BCKDHB: variants seen among roughly 807,000 people sequenced by gnomAD.
BCKDHB encodes 2-oxoisovalerate dehydrogenase subunit beta, mitochondrial.
BCKDHB carries 41 observed loss-of-function variants against 48.5 expected under a neutral mutation model. The observed-to-expected ratio is 0.85, with a 90% CI of 0.66 to 1.10. The LOEUF (loss-of-function observed/expected upper bound fraction) is 1.10, where lower values mean the gene tolerates loss of function less well. BCKDHB is among the 50% of genes least tolerant of loss of function. The pLI is 0.00. For synonymous variants in BCKDHB, 201 were observed against 174.8 expected (o/e 1.15, Z -1.18); for missense variants, 496 against 494.2 (o/e 1.00, Z -0.03).
the BCKDHB span, among the ~76,000 whole-genome samples, chr6:80,431,060 C>T: frequency 6.6e-6 from 1 of 152,128 alleles, no homozygotes; most frequent in African/African-American, 2.4e-5. Flanking sequence ...TTTATTTCTG[C>T]CTTCATTTCA....
chr6:80,417,967 C>A, the BCKDHB span, among the ~76,000 whole-genome samples: 1 of 152,144 alleles, frequency 6.6e-6, no homozygotes, highest in Non-Finnish European at 1.5e-5. Flanking sequence ...TTCAGGGACA[C>A]CAATGAGTCT....
the BCKDHB span, among the ~76,000 whole-genome samples, chr6:80,453,610 A>T: frequency 2.0e-5 from 3 of 152,180 alleles, no homozygotes; most frequent in African/African-American, 2.4e-5. Flanking sequence ...ATCTATTTTG[A>T]CTGTTTATGA....
chr6:80,419,506 T>C, the BCKDHB span, among the ~76,000 whole-genome samples: 1 of 152,184 alleles, frequency 6.6e-6, no homozygotes, highest in East Asian at 1.9e-4. Context: ...TAAAGTCTTC[T>C]ATGGGAGCAA....
chr6:80,379,483 C>T, the BCKDHB span, among the ~76,000 whole-genome samples: 71 of 152,140 alleles, frequency 4.7e-4, 1 homozygote, highest in South Asian at 1.7e-3. Flanking sequence ...ACCCCATAGT[C>T]AACATCATAC....
intron 8 of BCKDHB, among the ~76,000 whole-genome samples, chr6:80,219,442 G>A (rs568371707): frequency 6.6e-6 from 1 of 152,066 alleles, no homozygotes; most frequent in African/African-American, 2.4e-5. Context: ...CCTGACTTCG[G>A]GTGATCCACA....
At chr6:80,243,007 A>G (rs188866612) in intron 8 of BCKDHB, among the ~76,000 whole-genome samples, 6 of 152,242 alleles carry the variant, frequency 3.9e-5, no homozygotes, top group Non-Finnish European at 7.4e-5. Context: ...CTATCTCTCA[A>G]TTGGGGTTAA....
chr6:80,130,002 A>G (rs1057497589), intron 3 of BCKDHB, among the ~76,000 whole-genome samples: 9 of 152,094 alleles, frequency 5.9e-5, no homozygotes, highest in African/African-American at 2.2e-4. Context: ...TCCTTCTTAC[A>G]TGTTTTATCC....
At chr6:80,109,683 T>G (rs1312204880) in intron 1 of BCKDHB, among the ~76,000 whole-genome samples, 2 of 152,234 alleles carry the variant, frequency 1.3e-5, no homozygotes, top group Admixed American at 1.3e-4. Context: ...ACTTAAGAAT[T>G]GAATATTAGA....
At chr6:80,405,106 G>T in the BCKDHB span, among the ~76,000 whole-genome samples, 16 of 152,062 alleles carry the variant, frequency 1.1e-4, no homozygotes, top group Admixed American at 3.9e-4. Context: ...TTTCTGTCTG[G>T]ATGATCTACC....
the BCKDHB span, among the ~76,000 whole-genome samples, chr6:80,400,907 C>T: frequency 4.6e-5 from 7 of 151,908 alleles, no homozygotes; most frequent in Non-Finnish European, 1.0e-4. Context: ...AGATCATGTT[C>T]CTGGCAGCAA....
At chr6:80,391,274 G>A in the BCKDHB span, among the ~76,000 whole-genome samples, 3 of 151,834 alleles carry the variant, frequency 2.0e-5, no homozygotes, top group East Asian at 3.9e-4. Context: ...CCAAAGATAT[G>A]CCCACATCAT....
intron 6 of BCKDHB, among the ~76,000 whole-genome samples, chr6:80,198,861 A>G (rs1001886012): frequency 2.6e-5 from 4 of 152,186 alleles, no homozygotes; most frequent in Non-Finnish European, 1.5e-5. Flanking sequence ...ATAATAAATT[A>G]CTCACAGATT....
the BCKDHB span, among the ~76,000 whole-genome samples, chr6:80,426,852 G>T: frequency 6.6e-6 from 1 of 152,036 alleles, no homozygotes; most frequent in East Asian, 1.9e-4. Flanking sequence ...TGATAGTGTT[G>T]TCCACATCTT....
At chr6:80,129,846 T>C (rs1770541580) in intron 3 of BCKDHB, among the ~76,000 whole-genome samples, 1 of 152,192 alleles carries the variant, frequency 6.6e-6, no homozygotes, top group Non-Finnish European at 1.5e-5. Flanking sequence ...TAAAAGGTAA[T>C]CTGCTTTATT....
At chr6:80,374,573 C>A in the BCKDHB span, 1 of 666,564 alleles carries the variant, frequency 1.5e-6, no homozygotes, top group Non-Finnish European at 2.8e-6. Flanking sequence ...GCACCATTTT[C>A]ACAGATTACC....
At chr6:80,441,325 A>C in the BCKDHB span, among the ~76,000 whole-genome samples, 1 of 152,130 alleles carries the variant, frequency 6.6e-6, no homozygotes, top group Non-Finnish European at 1.5e-5. Flanking sequence ...AACCAAATTG[A>C]ACATATTGCC....
chr6:80,238,398 C>T (rs1370846425), intron 8 of BCKDHB, among the ~76,000 whole-genome samples: 1 of 152,110 alleles, frequency 6.6e-6, no homozygotes, highest in Non-Finnish European at 1.5e-5. Context: ...CCTGCCCAGC[C>T]TTATCTTTAA....
chr6:80,454,660 T>C, the BCKDHB span, among the ~76,000 whole-genome samples: 1 of 152,220 alleles, frequency 6.6e-6, no homozygotes, highest in Non-Finnish European at 1.5e-5. Context: ...AGGCATTGGA[T>C]GCTATAACTA....
chr6:80,419,067 G>A, the BCKDHB span, among the ~76,000 whole-genome samples: 1 of 152,142 alleles, frequency 6.6e-6, no homozygotes. Flanking sequence ...ATGGCAGCAG[G>A]GCTGGCTGGC....
Sources: allele counts gnomAD v4.1 joint callset (sites outside exome capture counted in the v4.1 genomes callset), GRCh38; gene constraint gnomAD v4.1.1; transcripts MANE v1.5; gene names NCBI Gene and HGNC (gene_info 2026-07-23, HGNC 2026-07-21).